Variants in SHTN1 observed in about 807,000 individuals in gnomAD.
SHTN1 encodes the protein shootin-1.
Under a neutral mutation model 83.1 loss-of-function variants are expected in SHTN1, and 42 were observed. The ratio of observed to expected loss-of-function variants is 0.51; its 90% CI spans 0.39 to 0.65. The LOEUF (loss-of-function observed/expected upper bound fraction) is 0.65. SHTN1 is among the 30% of genes least tolerant of loss of function. The pLI is 0.00. For missense variants in SHTN1, 622 were observed against 737.8 expected (o/e 0.84, Z 1.82); for synonymous variants, 224 against 247.7 (o/e 0.90, Z 0.90).
chr10:117,027,849 C>T (rs1322142636), intron 2 of SHTN1, among the ~76,000 whole-genome samples: 5 of 152,122 alleles, frequency 3.3e-5, no homozygotes, highest in Admixed American at 6.6e-5. Context: ...GAAGTTGGTA[C>T]CAAGAGGTGG....
At chr10:117,082,455 A>G (rs1385781610) in intron 1 of SHTN1, among the ~76,000 whole-genome samples, 2 of 150,650 alleles carry the variant, frequency 1.3e-5, no homozygotes, top group Admixed American at 1.3e-4. Flanking sequence ...TTTACTTCCA[A>G]GTATGTGGTC....
intron 16 of SHTN1, among the ~76,000 whole-genome samples, chr10:116,893,576 G>GCGCACACACACACACA (rs1554905664): frequency 1.3e-4 from 16 of 123,594 alleles, no homozygotes; most frequent in East Asian, 4.8e-4. Context: ...GCACTCATGT[G>GCGCACACACACACACA]CACACACACA....
chr10:117,054,064 G>C (rs1852789852), intron 1 of SHTN1, among the ~76,000 whole-genome samples: 1 of 152,120 alleles, frequency 6.6e-6, no homozygotes, highest in African/African-American at 2.4e-5. Context: ...TAGCAGATTA[G>C]TGATTGCCAG....
chr10:117,051,805 T>A (rs193187711), intron 1 of SHTN1, among the ~76,000 whole-genome samples: 2 of 151,422 alleles, frequency 1.3e-5, no homozygotes, highest in East Asian at 3.9e-4. Context: ...ACAACTGACT[T>A]CATATACTCA....
chr10:117,111,070 C>T (rs995860366), intron 1 of SHTN1, among the ~76,000 whole-genome samples: 1 of 151,718 alleles, frequency 6.6e-6, no homozygotes, highest in Non-Finnish European at 1.5e-5. Context: ...TGGTGGCACA[C>T]GCCTGTAGTC....
At position 116,935,408 on chromosome 10, in the gene SHTN1, ATC is replaced by A. The variant is rs1408289315; in HGVS notation, c.858+5056_858+5057del. Among the ~76,000 whole-genome samples the A allele has an allele frequency of 3.9e-5, 6 of 152,256 alleles. No individual in the cohort carries two copies. In the South Asian group the frequency reaches 1.0e-3, roughly 26 times the overall value. On this transcript the variant is annotated intron_variant, in intron 9 of 16. Coordinates refer to ENST00000355371, the MANE Select transcript of SHTN1 (RefSeq NM_001127211.3). The stretch of plus-strand genomic sequence containing the variant: ...GAATTTTATCGAAGGCCTTTTCTGC[ATC>A]TATTGAGATAATCATGTGGTTTTTG...
At chr10:116,986,620 A>T (rs1052497237) in intron 1 of SHTN1, among the ~76,000 whole-genome samples, 2 of 151,854 alleles carry the variant, frequency 1.3e-5, no homozygotes, top group Admixed American at 6.6e-5. Context: ...GCAGTGGCTC[A>T]ACCTGTAATC....
chr10:116,924,514 T>TA (rs954596576), intron 11 of SHTN1, among the ~76,000 whole-genome samples: 1 of 152,026 alleles, frequency 6.6e-6, no homozygotes. Flanking sequence ...GCTGTAGACA[T>TA]ACAGTGCTCA....
intron 9 of SHTN1, among the ~76,000 whole-genome samples, chr10:116,937,179 T>C (rs1849203053): frequency 6.6e-6 from 1 of 152,208 alleles, no homozygotes; most frequent in Non-Finnish European, 1.5e-5. Flanking sequence ...GTTAATATTG[T>C]TATGTGTGAA....
At chr10:116,979,203 C>T (rs888041882) in intron 2 of SHTN1, 53 bp downstream of exon 2, 10 of 1,459,728 alleles carry the variant, frequency 6.9e-6, no homozygotes, top group East Asian at 4.5e-5. Context: ...TGCACTATGC[C>T]GCCTAGGCTT....
intron 2 of SHTN1, among the ~76,000 whole-genome samples, chr10:117,016,564 G>A (rs1182625184): frequency 1.3e-5 from 2 of 152,064 alleles, no homozygotes; most frequent in Non-Finnish European, 2.9e-5. Flanking sequence ...GTGCCACCAC[G>A]CCCGGCTACT....
chr10:117,109,618 G>A (rs1853733583), intron 1 of SHTN1, among the ~76,000 whole-genome samples: 1 of 117,952 alleles, frequency 8.5e-6, no homozygotes, highest in African/African-American at 3.4e-5. Flanking sequence ...AGGCTGGAGT[G>A]CAATGGCACG....
At chr10:116,922,793 T>A (rs528765938) in intron 11 of SHTN1, among the ~76,000 whole-genome samples, 1 of 151,986 alleles carries the variant, frequency 6.6e-6, no homozygotes, top group African/African-American at 2.4e-5. Context: ...GGCAAAACCC[T>A]GTCTCTACTA....
intron 3 of SHTN1, among the ~76,000 whole-genome samples, chr10:116,963,692 T>G (rs1025148714): frequency 6.6e-6 from 1 of 152,142 alleles, no homozygotes; most frequent in Non-Finnish European, 1.5e-5. Context: ...GGTGTATGGG[T>G]GTACAGTTGG....
At chr10:117,086,353 A>G (rs960063587) in intron 1 of SHTN1, among the ~76,000 whole-genome samples, 2 of 152,214 alleles carry the variant, frequency 1.3e-5, no homozygotes, top group African/African-American at 2.4e-5. Context: ...TTTCTTGTAG[A>G]TAACACATAG....
At chr10:117,002,475 T>C (rs1206219104) in intron 1 of SHTN1, among the ~76,000 whole-genome samples, 1 of 152,094 alleles carries the variant, frequency 6.6e-6, no homozygotes, top group African/African-American at 2.4e-5. Context: ...TAAATAGGGG[T>C]AGTGGAATTA....
chr10:117,076,765 G>A (rs923899260), intron 1 of SHTN1, among the ~76,000 whole-genome samples: 7 of 152,068 alleles, frequency 4.6e-5, no homozygotes, highest in Non-Finnish European at 4.4e-5. Flanking sequence ...AAAGAGAACC[G>A]GAAAAAATAT....
chr10:116,901,873 T>C lies in SHTN1; in HGVS notation c.1565A>G (p.Asn522Ser). 6.2e-7 allele frequency: 1 copy of C among 1,608,426 alleles called. No homozygotes were observed. Among genetic ancestry groups the C allele is most frequent in the Non-Finnish European group, 8.5e-7 (1 of 1,178,440 alleles). ...SVSSVTKTAL[N>S]KKTLEAEFNS... ...GAATTCTGCCTCCAGAGTTTTCTTGTTCAAGGCTGTTTTTGTTACACTGGA... is the reference window on the plus strand; with the variant it reads ...GAATTCTGCCTCCAGAGTTTTCTTGCTCAAGGCTGTTTTTGTTACACTGGA... The change falls in exon 16 of 17, where the codon AAC becomes AGC. Residue 522 changes from asparagine to serine, a missense_variant. Transcript: ENST00000355371.
intron 1 of SHTN1, among the ~76,000 whole-genome samples, chr10:117,120,758 T>C (rs185450690): frequency 6.6e-6 from 1 of 152,072 alleles, no homozygotes; most frequent in Admixed American, 6.6e-5. Context: ...TCAAAATAGC[T>C]AGAAGAAAAG....
Sources: gnomAD v4.1 joint callset for allele counts (sites outside exome capture counted in the v4.1 genomes callset) on GRCh38, gnomAD v4.1.1 for gene constraint, MANE v1.5 for transcripts, NCBI Gene and HGNC (gene_info 2026-07-23, HGNC 2026-07-21) for gene names.